Variants in SNTB1 observed in about 807,000 individuals in gnomAD.
SNTB1 encodes the protein syntrophin beta 1, also known as beta-1-syntrophin.
In SNTB1, 36 loss-of-function variants were observed where a neutral mutation model predicts 48.9. That is an observed-to-expected ratio of 0.74 (90% CI 0.56 to 0.97). SNTB1 has a LOEUF of 0.97. Ranked by LOEUF, SNTB1 falls within the 50% of genes least tolerant of loss-of-function variation. The pLI is 0.00. For missense variants in SNTB1, 786 were observed against 703.4 expected (o/e 1.12, Z -1.33); for synonymous variants, 299 against 294.6 (o/e 1.01, Z -0.15).
chr8:120,720,492 A>G (rs1425316436), intron 1 of SNTB1, among the ~76,000 whole-genome samples: 2 of 152,220 alleles, frequency 1.3e-5, no homozygotes, highest in Non-Finnish European at 2.9e-5. Flanking sequence ...AACTCCCCAG[A>G]CAACTATTGA....
At chr8:120,659,323 CA>C (rs1313299142) in intron 2 of SNTB1, among the ~76,000 whole-genome samples, 4 of 152,150 alleles carry the variant, frequency 2.6e-5, no homozygotes, top group Non-Finnish European at 2.9e-5. Context: ...ACATCTTCAC[CA>C]GGAATAGATT....
intron 4 of SNTB1, 63 bp downstream of exon 4, chr8:120,575,023 T>C: frequency 1.2e-6 from 2 of 1,604,684 alleles, no homozygotes; most frequent in Non-Finnish European, 8.5e-7. Context: ...ATTGAGCTAA[T>C]TGTAATTCAT....
intron 4 of SNTB1, among the ~76,000 whole-genome samples, chr8:120,549,764 T>C (rs529027927): frequency 3.1e-4 from 47 of 152,370 alleles, no homozygotes; most frequent in African/African-American, 1.1e-3. Context: ...GGATCTTTCA[T>C]GTCTCTCCTA....
rs146057697 is a variant in SNTB1, at chr8:120,579,983, C to T, written c.997-4758G>A. Among the ~76,000 whole-genome samples, 408 of 152,204 alleles carry T rather than the reference C, an allele frequency of 2.7e-3. 1 individual carries two copies. The highest frequency in any genetic ancestry group is 9.4e-3 in the African/African-American group (389 of 41,546). On this transcript the variant is annotated intron_variant, in intron 3 of 6. Coordinates refer to ENST00000517992, the MANE Select transcript of SNTB1 (RefSeq NM_021021.4). ...AGTGAGCTTGGGCAAGAATTACTTG[C>T]CTTTGCTGGGTCAAAATTTCCTCCT...
chr8:120,612,587 C>T (rs1350270343), intron 3 of SNTB1, among the ~76,000 whole-genome samples: 1 of 152,110 alleles, frequency 6.6e-6, no homozygotes, highest in African/African-American at 2.4e-5. Context: ...GAGTTTTGAT[C>T]TTGTCACCCA....
At chr8:120,541,473 C>T (rs1382034368) in intron 6 of SNTB1, among the ~76,000 whole-genome samples, 1 of 152,188 alleles carries the variant, frequency 6.6e-6, no homozygotes, top group Non-Finnish European at 1.5e-5. Context: ...ACGTCTAGCA[C>T]AATGCCAAGG....
chr8:120,565,974 TGAGG>T (rs1249481844), intron 4 of SNTB1, among the ~76,000 whole-genome samples: 2 of 152,070 alleles, frequency 1.3e-5, no homozygotes, highest in African/African-American at 4.8e-5. Flanking sequence ...TTTGGGAGGC[TGAGG>T]AAGGCGGATC....
Position 120,635,000 on chromosome 8 carries a change from C to T in SNTB1, c.789-2349G>A, listed in dbSNP as rs139217379. Among the ~76,000 whole-genome samples, 1,051 of 152,134 alleles carry T rather than the reference C, an allele frequency of 6.9e-3. 12 individuals are homozygous for T. Among genetic ancestry groups the T allele is most frequent in the African/African-American group, 0.024 (987 of 41,492 alleles). The stretch of plus-strand genomic sequence containing the variant: ...CCGAGTAGCTGGGACCACAGGCACC[C>T]GCCACCGCACCCAGCTAATTTTTTT... On this transcript the variant is annotated intron_variant, in intron 2 of 6. Coordinates refer to ENST00000517992, the MANE Select transcript of SNTB1 (RefSeq NM_021021.4).
chr8:120,634,623 A>G (rs1051212613), intron 2 of SNTB1, among the ~76,000 whole-genome samples: 21 of 152,176 alleles, frequency 1.4e-4, no homozygotes, highest in Admixed American at 1.3e-3. Context: ...AGTACTACTC[A>G]TCATCAACAA....
chr8:120,755,866 C>T (rs1819310347), intron 1 of SNTB1, among the ~76,000 whole-genome samples: 1 of 152,088 alleles, frequency 6.6e-6, no homozygotes, highest in South Asian at 2.1e-4. Context: ...CTATTATAAC[C>T]CCCATTTGCC....
chr8:120,575,256 A>G, intron 3 of SNTB1, 31 bp from the exon 4 acceptor site: 1 of 1,613,920 alleles, frequency 6.2e-7, no homozygotes, highest in Non-Finnish European at 8.5e-7. Context: ...CTGTCAAATG[A>G]CAGCCTGAGG....
chr8:120,613,392 T>C (rs561234760), intron 3 of SNTB1, among the ~76,000 whole-genome samples: 3 of 151,198 alleles, frequency 2.0e-5, no homozygotes, highest in Admixed American at 1.3e-4. Flanking sequence ...GATAGTAGAA[T>C]GGTAGTTACT....
chr8:120,617,993 A>G (rs943826459), intron 3 of SNTB1, among the ~76,000 whole-genome samples: 3 of 152,182 alleles, frequency 2.0e-5, no homozygotes, highest in Non-Finnish European at 4.4e-5. Context: ...GTATATATAT[A>G]TATATTTAGT....
At chr8:120,664,483 A>G (rs748343547) in intron 2 of SNTB1, among the ~76,000 whole-genome samples, 8 of 152,206 alleles carry the variant, frequency 5.3e-5, no homozygotes, top group Non-Finnish European at 1.0e-4. Context: ...TCTCATTATA[A>G]GATTAGTTTG....
chr8:120,785,207 C>A (rs1397270508), intron 1 of SNTB1, among the ~76,000 whole-genome samples: 2 of 152,136 alleles, frequency 1.3e-5, no homozygotes, highest in Non-Finnish European at 2.9e-5. Context: ...ATGACCAGAA[C>A]CATTGAGAGA....
At chr8:120,708,556 C>T (rs1587105114) in intron 1 of SNTB1, among the ~76,000 whole-genome samples, 2 of 152,020 alleles carry the variant, frequency 1.3e-5, no homozygotes, top group South Asian at 4.2e-4. Flanking sequence ...TCCCAAATGC[C>T]AAACAAAATG....
At position 120,617,067 on chromosome 8, in the gene SNTB1, A is replaced by G. The variant is rs1240125280; in HGVS notation, c.996+15377T>C. ...CCGGGACAGCTTTGAATGAGGCCCAACACAAATTTGTGTTGAAAACATTAT... is the reference window on the plus strand; with the variant it reads ...CCGGGACAGCTTTGAATGAGGCCCAGCACAAATTTGTGTTGAAAACATTAT... On this transcript the variant is annotated intron_variant, in intron 3 of 6. Coordinates refer to ENST00000517992, the MANE Select transcript of SNTB1 (RefSeq NM_021021.4). Among the ~76,000 whole-genome samples, 5 of 152,194 alleles carry G rather than the reference A, an allele frequency of 3.3e-5. No homozygotes were observed. In the East Asian group the frequency reaches 9.6e-4, roughly 29 times the overall value.
At chr8:120,771,575 A>T (rs190851413) in intron 1 of SNTB1, among the ~76,000 whole-genome samples, 25 of 152,358 alleles carry the variant, frequency 1.6e-4, no homozygotes, top group African/African-American at 6.0e-4. Flanking sequence ...GGACTGGAGA[A>T]GCCCTTAATT....
intron 1 of SNTB1, among the ~76,000 whole-genome samples, chr8:120,766,278 A>C (rs1819523531): frequency 6.6e-6 from 1 of 152,200 alleles, no homozygotes; most frequent in African/African-American, 2.4e-5. Context: ...AATAAGATTC[A>C]GAAAGGATAA....
Sources: allele counts gnomAD v4.1 joint callset (sites outside exome capture counted in the v4.1 genomes callset), GRCh38; gene constraint gnomAD v4.1.1; transcripts MANE v1.5; gene names NCBI Gene and HGNC (gene_info 2026-07-23, HGNC 2026-07-21).